GALNTL6: variants seen among roughly 807,000 people sequenced by gnomAD.
GALNTL6 encodes the protein polypeptide N-acetylgalactosaminyltransferase like 6, also known as polypeptide N-acetylgalactosaminyltransferase-like 6.
A neutral mutation model predicts 73.7 loss-of-function variants in GALNTL6; 46 were observed. The observed-to-expected ratio is 0.62, with a 90% CI of 0.49 to 0.80. The LOEUF (loss-of-function observed/expected upper bound fraction) is 0.80. Ranked by LOEUF, GALNTL6 falls within the 30% of genes least tolerant of loss-of-function variation. The pLI, the probability that GALNTL6 is intolerant of heterozygous loss-of-function variation, is 0.00. For missense variants in GALNTL6, 604 were observed against 755.0 expected (o/e 0.80, Z 2.34); for synonymous variants, 259 against 263.7 (o/e 0.98, Z 0.17).
intron 5 of GALNTL6, among the ~76,000 whole-genome samples, chr4:172,633,897 C>T (rs548447907): frequency 1.5e-4 from 23 of 152,324 alleles, no homozygotes; most frequent in African/African-American, 5.5e-4. Flanking sequence ...GCTCTCTTGC[C>T]TGCTGCCATA....
chr4:172,895,643 T>C (rs1423249497), intron 8 of GALNTL6, among the ~76,000 whole-genome samples: 3 of 152,138 alleles, frequency 2.0e-5, no homozygotes, highest in Non-Finnish European at 2.9e-5. Context: ...TTCTTCTGTG[T>C]GGGTATTTAT....
chr4:171,967,982 T>C lies in GALNTL6; in HGVS notation c.138+153264T>C, dbSNP rs371524522. Among the ~76,000 whole-genome samples the C allele has an allele frequency of 3.4e-3, 525 of 152,290 alleles. 2 individuals are homozygous for C. Among genetic ancestry groups the C allele is most frequent in the Middle Eastern group, 6.8e-3 (2 of 294 alleles). On this transcript the variant is annotated intron_variant, in intron 2 of 12. Transcript: ENST00000506823. Reference sequence around the variant, plus strand: ...CCCTAGTTGTGAGAACAGTAGTGTGTGCACACATTTCCAATTCCTTCCAGG... The same window carrying C: ...CCCTAGTTGTGAGAACAGTAGTGTGCGCACACATTTCCAATTCCTTCCAGG...
intron 6 of GALNTL6, among the ~76,000 whole-genome samples, chr4:172,811,121 C>T (rs1326709183): frequency 6.6e-6 from 1 of 152,180 alleles, no homozygotes; most frequent in Admixed American, 6.5e-5. Context: ...TGTCTTGACA[C>T]ATCATCCAAA....
intron 5 of GALNTL6, chr4:172,669,067 C>A (rs1339074923): frequency 6.6e-6 from 1 of 152,048 alleles, no homozygotes; most frequent in Non-Finnish European, 1.5e-5. Context: ...TTAAAATGAT[C>A]TGAGGTATTG....
chr4:173,001,763 G>T (rs1303958930), intron 10 of GALNTL6, among the ~76,000 whole-genome samples: 1 of 152,086 alleles, frequency 6.6e-6, no homozygotes, highest in Non-Finnish European at 1.5e-5. Context: ...CAAATGAAAA[G>T]GTTTTCAACA....
intron 3 of GALNTL6, among the ~76,000 whole-genome samples, chr4:172,230,670 A>G (rs1283577471): frequency 6.6e-6 from 1 of 152,174 alleles, no homozygotes; most frequent in East Asian, 1.9e-4. Flanking sequence ...TCAGAAGGGT[A>G]TATCAGTAGA....
At chr4:172,565,998 A>G (rs1048855232) in intron 5 of GALNTL6, among the ~76,000 whole-genome samples, 2 of 152,184 alleles carry the variant, frequency 1.3e-5, no homozygotes, top group African/African-American at 4.8e-5. Flanking sequence ...AGATATAAAA[A>G]TTATAAATAT....
intron 5 of GALNTL6, among the ~76,000 whole-genome samples, chr4:172,554,201 T>C (rs1736063430): frequency 6.6e-6 from 1 of 152,194 alleles, no homozygotes; most frequent in Non-Finnish European, 1.5e-5. Context: ...TATTGGAAAC[T>C]ATGTAAGATT....
chr4:172,446,645 A>G (rs1339031283), intron 5 of GALNTL6, among the ~76,000 whole-genome samples: 1 of 152,120 alleles, frequency 6.6e-6, no homozygotes, highest in Admixed American at 6.6e-5. Flanking sequence ...CTAGAAATGG[A>G]GTCATAGGCC....
At chr4:171,847,929 T>C (rs1735418027) in intron 2 of GALNTL6, among the ~76,000 whole-genome samples, 1 of 152,208 alleles carries the variant, frequency 6.6e-6, no homozygotes, top group South Asian at 2.1e-4. Context: ...CCTTCTCCCA[T>C]GAATCACAAA....
chr4:172,222,623 ACT>A (rs1190823662), intron 2 of GALNTL6, among the ~76,000 whole-genome samples: 6 of 151,350 alleles, frequency 4.0e-5, no homozygotes, highest in African/African-American at 1.5e-4. Context: ...GACTTTTGCA[ACT>A]CTCTCTACGA....
At chr4:172,149,432 T>A (rs1213538351) in intron 2 of GALNTL6, among the ~76,000 whole-genome samples, 1 of 150,878 alleles carries the variant, frequency 6.6e-6, no homozygotes, top group Non-Finnish European at 1.5e-5. Flanking sequence ...GGACATATCT[T>A]CTCTCTCTCT....
intron 5 of GALNTL6, among the ~76,000 whole-genome samples, chr4:172,468,276 A>G (rs557492029): frequency 6.6e-6 from 1 of 152,282 alleles, no homozygotes; most frequent in East Asian, 1.9e-4. Flanking sequence ...TTTAAAAACT[A>G]TCTATGAAAT....
intron 3 of GALNTL6, among the ~76,000 whole-genome samples, chr4:172,281,250 C>T (rs1739044110): frequency 6.6e-6 from 1 of 152,192 alleles, no homozygotes; most frequent in African/African-American, 2.4e-5. Flanking sequence ...AGCAGCGCTG[C>T]ATTTCATCTG....
At chr4:172,223,353 T>A (rs575731571) in intron 2 of GALNTL6, among the ~76,000 whole-genome samples, 1 of 152,250 alleles carries the variant, frequency 6.6e-6, no homozygotes, top group African/African-American at 2.4e-5. Flanking sequence ...CAGAAACTTC[T>A]GTGTAGATTA....
At chr4:172,211,589 C>A (rs896105910) in intron 2 of GALNTL6, among the ~76,000 whole-genome samples, 1 of 152,134 alleles carries the variant, frequency 6.6e-6, no homozygotes, top group African/African-American at 2.4e-5. Context: ...AATTGTTAAG[C>A]CATATTCCTG....
At chr4:172,137,624 A>G (rs1733672396) in intron 2 of GALNTL6, among the ~76,000 whole-genome samples, 1 of 152,200 alleles carries the variant, frequency 6.6e-6, no homozygotes, top group Non-Finnish European at 1.5e-5. Context: ...CAGACTTTAG[A>G]AAACAAAACA....
intron 5 of GALNTL6, among the ~76,000 whole-genome samples, chr4:172,364,531 C>G (rs1339347805): frequency 6.6e-6 from 1 of 151,984 alleles, no homozygotes; most frequent in African/African-American, 2.4e-5. Flanking sequence ...ATTGAAAAAC[C>G]CTTTGATCAC....
intron 5 of GALNTL6, among the ~76,000 whole-genome samples, chr4:172,763,023 C>A (rs1225591092): frequency 1.3e-5 from 2 of 151,940 alleles, no homozygotes; most frequent in African/African-American, 4.8e-5. Context: ...AAATGAATTA[C>A]CCTCATGGTT....
Sources: allele counts gnomAD v4.1 joint callset (sites outside exome capture counted in the v4.1 genomes callset), GRCh38; gene constraint gnomAD v4.1.1; transcripts MANE v1.5; gene names NCBI Gene and HGNC (gene_info 2026-07-23, HGNC 2026-07-21).